QKI: variants seen among roughly 807,000 people sequenced by gnomAD.
The protein encoded by QKI is QKI, KH domain containing RNA binding.
A neutral mutation model predicts 39.0 loss-of-function variants in QKI; 10 were observed. That is an observed-to-expected ratio of 0.26 (90% CI 0.16 to 0.43). QKI has a LOEUF of 0.43. QKI is among the 20% of genes least tolerant of loss of function. QKI has a pLI of 1.00. For synonymous variants in QKI, 204 were observed against 155.4 expected, an observed-to-expected ratio of 1.31 and a Z score of -2.33; for missense variants, 218 against 428.0, an observed-to-expected ratio of 0.51 and a Z score of 4.33.
intron 3 of QKI, among the ~76,000 whole-genome samples, chr6:163,511,062 A>T (rs935022058): frequency 6.6e-6 from 1 of 152,170 alleles, no homozygotes; most frequent in African/African-American, 2.4e-5. Flanking sequence ...AAGGATTAAG[A>T]TTATATAGAG....
intron 3 of QKI, among the ~76,000 whole-genome samples, chr6:163,498,212 A>G (rs1042110715): frequency 2.5e-5 from 3 of 122,168 alleles, no homozygotes; most frequent in African/African-American, 2.9e-5. Flanking sequence ...AAAAATGTAT[A>G]TGTGGAAGGT....
At chr6:163,416,931 A>T (rs1787559753) in intron 1 of QKI, among the ~76,000 whole-genome samples, 1 of 138,884 alleles carries the variant, frequency 7.2e-6, no homozygotes, top group East Asian at 2.1e-4. Context: ...AAAAAAAAAA[A>T]TGCTGGAACT....
At chr6:163,520,458 G>A (rs118013853) in intron 3 of QKI, among the ~76,000 whole-genome samples, 4,075 of 151,878 alleles carry the variant, frequency 0.027, 101 homozygotes, top group South Asian at 0.035. Flanking sequence ...TATAAATGTC[G>A]GTTGCATAAT....
chr6:163,428,769 A>G (rs1156690808), intron 1 of QKI, among the ~76,000 whole-genome samples: 1 of 149,672 alleles, frequency 6.7e-6, no homozygotes, highest in Non-Finnish European at 1.5e-5. Context: ...TTAAACTGTC[A>G]AGGCAATTTA....
At chr6:163,511,035 C>A (rs1189334746) in intron 3 of QKI, among the ~76,000 whole-genome samples, 1 of 152,098 alleles carries the variant, frequency 6.6e-6, no homozygotes, top group Non-Finnish European at 1.5e-5. Context: ...TTTGTACATG[C>A]TGGGCCATAA....
At chr6:163,453,403 T>C (rs1790715579) in intron 1 of QKI, among the ~76,000 whole-genome samples, 1 of 151,060 alleles carries the variant, frequency 6.6e-6, no homozygotes, top group South Asian at 2.1e-4. Context: ...AGAAGATATT[T>C]AAATAATAAT....
intron 1 of QKI, among the ~76,000 whole-genome samples, chr6:163,438,637 C>A (rs1295445665): frequency 1.3e-5 from 2 of 151,424 alleles, no homozygotes; most frequent in African/African-American, 4.9e-5. Context: ...AGAAAAGGTA[C>A]AGTAAAAATG....
At chr6:163,433,565 G>A (rs1341810373) in intron 1 of QKI, among the ~76,000 whole-genome samples, 1 of 152,144 alleles carries the variant, frequency 6.6e-6, no homozygotes, top group Non-Finnish European at 1.5e-5. Flanking sequence ...AGGAGTTTGA[G>A]GCCAGCCTGG....
chr6:163,525,023 G>A (rs982561526), intron 3 of QKI, among the ~76,000 whole-genome samples: 6 of 152,208 alleles, frequency 3.9e-5, no homozygotes, highest in Non-Finnish European at 7.3e-5. Flanking sequence ...TGGTTAGTAA[G>A]TGTGGTATCA....
At chr6:163,476,276 A>G (rs533462982) in intron 2 of QKI, among the ~76,000 whole-genome samples, 2 of 148,960 alleles carry the variant, frequency 1.3e-5, no homozygotes, top group African/African-American at 5.1e-5. Flanking sequence ...TATGTACTAA[A>G]GTTTTTTTTT....
chr6:163,555,939 A>G (rs749411606), intron 4 of QKI, among the ~76,000 whole-genome samples: 23 of 152,218 alleles, frequency 1.5e-4, no homozygotes, highest in South Asian at 4.1e-4. Flanking sequence ...TAAAGGCATC[A>G]TAAGACTGGA....
chr6:163,446,797 C>A lies in QKI; in HGVS notation c.143-8482C>A, dbSNP rs1790188947. Among the ~76,000 whole-genome samples the A allele has an allele frequency of 3.9e-5, 6 of 152,304 alleles. No individual in the cohort carries two copies. In the South Asian group the frequency reaches 1.2e-3, roughly 32 times the overall value. On this transcript the variant is annotated intron_variant, in intron 1 of 7. Coordinates refer to ENST00000361752, the MANE Select transcript of QKI (RefSeq NM_006775.3). ...CAAAAGTGAATGAAGGCCCTCCCCACCAAGTCCCCCGCTCTGTTCTGTTCT... is the reference window on the plus strand; with the variant it reads ...CAAAAGTGAATGAAGGCCCTCCCCAACAAGTCCCCCGCTCTGTTCTGTTCT...
intron 3 of QKI, among the ~76,000 whole-genome samples, chr6:163,514,366 A>G (rs1404799483): frequency 1.3e-5 from 2 of 152,170 alleles, no homozygotes; most frequent in African/African-American, 4.8e-5. Context: ...AAAACTGATA[A>G]TAATTTATTT....
intron 1 of QKI, among the ~76,000 whole-genome samples, chr6:163,439,411 G>A (rs1429495349): frequency 6.8e-6 from 1 of 146,620 alleles, no homozygotes; most frequent in East Asian, 2.0e-4. Context: ...GCAGTGGCAC[G>A]ATCTCGGCTC....
At position 163,575,593 on chromosome 6, in the gene QKI, C is replaced by T. The variant is rs1783936880; in HGVS notation, c.*4883C>T. 6.6e-6 allele frequency: 1 copy of T among 152,136 alleles called. No individual in the cohort carries two copies. Among genetic ancestry groups the T allele is most frequent in the South Asian group, 2.1e-4 (1 of 4,832 alleles). The allele number at this position is 152,136 out of a possible 1,614,324, so 9.4% of individuals were successfully genotyped here. A position where few individuals can be genotyped will look rare whatever the true frequency, so the allele number is the denominator to read the frequency against. ...AACTTAACATGAAAGTAGTTACTCCCATACGCACCAGTGCAGTAGCTCCAG... is the reference window on the plus strand; with the variant it reads ...AACTTAACATGAAAGTAGTTACTCCTATACGCACCAGTGCAGTAGCTCCAG... On this transcript the variant is annotated 3_prime_UTR_variant, in exon 8 of 8. Transcript: ENST00000361752.
intron 1 of QKI, among the ~76,000 whole-genome samples, chr6:163,432,019 T>C (rs751969531): frequency 2.6e-5 from 4 of 152,186 alleles, no homozygotes; most frequent in Non-Finnish European, 5.9e-5. Flanking sequence ...GAAATATATT[T>C]AAGTTACATT....
At chr6:163,449,711 T>G (rs35562354) in intron 1 of QKI, among the ~76,000 whole-genome samples, 3,231 of 152,316 alleles carry the variant, frequency 0.021, 51 homozygotes, top group Middle Eastern at 0.058. Flanking sequence ...ATTTTCTTAG[T>G]TTAAATTTGC....
At chr6:163,423,339 T>G (rs1289340637) in intron 1 of QKI, 1 of 152,234 alleles carries the variant, frequency 6.6e-6, no homozygotes, top group African/African-American at 2.4e-5. Flanking sequence ...ATGTCATAGT[T>G]TTACAGGGTC....
At chr6:163,506,071 G>T (rs926931200) in intron 3 of QKI, among the ~76,000 whole-genome samples, 3 of 137,634 alleles carry the variant, frequency 2.2e-5, no homozygotes. Context: ...CACCCCGCCC[G>T]CCTCCATCAC....
Sources: allele counts gnomAD v4.1 joint callset (sites outside exome capture counted in the v4.1 genomes callset), GRCh38; gene constraint gnomAD v4.1.1; transcripts MANE v1.5; gene names NCBI Gene and HGNC (gene_info 2026-07-23, HGNC 2026-07-21).